The following FLRT2 variants were observed in gnomAD, a reference collection of about 807,000 sequenced individuals.
FLRT2 encodes the protein fibronectin leucine rich transmembrane protein 2.
A neutral mutation model predicts 40.0 loss-of-function variants in FLRT2; 15 were observed. That is an observed-to-expected ratio of 0.38 (90% confidence interval 0.25 to 0.58). FLRT2 has a LOEUF of 0.58. Among genes scored for constraint, FLRT2 ranks in the 20% least tolerant of loss-of-function variants. The pLI is 0.71. For missense variants in FLRT2, 726 were observed against 840.0 expected (o/e 0.86, Z 1.68); for synonymous variants, 380 against 336.8 (o/e 1.13, Z -1.41).
intron 1 of FLRT2, among the ~76,000 whole-genome samples, chr14:85,591,052 A>G (rs1279590981): frequency 6.6e-6 from 1 of 152,200 alleles, no homozygotes; most frequent in African/African-American, 2.4e-5. Context: ...AGCAAACACC[A>G]TCTTCTACTG....
intron 1 of FLRT2, among the ~76,000 whole-genome samples, chr14:85,547,056 A>G (rs778766263): frequency 1.3e-5 from 2 of 151,606 alleles, no homozygotes; most frequent in East Asian, 2.0e-4. Context: ...CTTCCCTTTC[A>G]TCTTTCCTTT....
In FLRT2 at chr14:85,623,256, G is replaced by A. The variant is rs750630398; in HGVS notation, c.1742G>A (p.Arg581Gln). Residue 581 changes from arginine (R) to glutamine (Q), a missense_variant, in exon 2 of 2, where the codon CGG becomes CAG. Physicochemically the swap from Arg to Gln is conservative, Grantham distance 43. This residue lies in a region of FLRT2 where 611 missense variants were observed against 690.0 expected (regional missense o/e 0.89). Coordinates refer to ENST00000330753, the MANE Select transcript of FLRT2 (RefSeq NM_013231.6). ...RYTSQKWKYNRGRRKDDYCEA... is the reference protein window; with the variant it reads ...RYTSQKWKYNQGRRKDDYCEA... ...ACCTCCCAGAAGTGGAAATACAACC[G>A]GGGCCGGCGGAAAGATGATTATTGC... is the stretch of plus-strand genomic sequence containing the variant. The A allele has an allele frequency of 4.6e-6, 7 of 1,515,784 alleles. No homozygotes were observed. Among genetic ancestry groups the A allele is most frequent in the Non-Finnish European group, 5.3e-6 (6 of 1,132,672 alleles). 93.9% of individuals were successfully genotyped at this position (1,515,784 alleles called of 1,614,324 possible).
Position 85,636,408 on chromosome 14 carries a change from A to AAAAAAAAAAATT in FLRT2, c.*12911_*12912insAAAAAAAAAATT, listed in dbSNP as rs1894004275. The AAAAAAAAAAATT allele has an allele frequency of 1.4e-5, 1 of 71,632 alleles. No individual in the cohort carries two copies. Among genetic ancestry groups the AAAAAAAAAAATT allele is most frequent in the Non-Finnish European group, 3.9e-5 (1 of 25,792 alleles). The allele number at this position is 71,632 out of a possible 1,614,324, so 4.4% of individuals were successfully genotyped here. The stretch of plus-strand genomic sequence containing the variant: ...ACCTGCAGAAAAAAAAAAAAAAAAA[A>AAAAAAAAAAATT]CAAAAAACATTCTTATTAATCTTAA... On this transcript the variant is annotated 3_prime_UTR_variant, in exon 2 of 2. Coordinates refer to ENST00000330753, the MANE Select transcript of FLRT2 (RefSeq NM_013231.6).
intron 1 of FLRT2, among the ~76,000 whole-genome samples, chr14:85,618,071 G>A (rs571819720): frequency 2.7e-4 from 41 of 152,330 alleles, no homozygotes; most frequent in Admixed American, 1.1e-3. Flanking sequence ...ACACAGTTCA[G>A]GAAATGGAAA....
chr14:85,573,025 TCA>T (rs1156839374), intron 1 of FLRT2, among the ~76,000 whole-genome samples: 1 of 152,180 alleles, frequency 6.6e-6, no homozygotes, highest in African/African-American at 2.4e-5. Flanking sequence ...CTCTGATTAG[TCA>T]CAGTTTTGTG....
rs944121234 is a variant in FLRT2 at position 85,649,872 on chromosome 14, A to G, written c.*26375A>G. The stretch of plus-strand genomic sequence containing the variant: ...AAAATACTTTCTCATATTCTGAAGA[A>G]TGAAGCATTTCTGTCCTAGGTGATT... On this transcript the variant is annotated 3_prime_UTR_variant, in exon 2 of 2. Transcript: ENST00000330753. 1.1e-4 allele frequency: 17 copies of G among 152,198 alleles called. No individual in the cohort carries two copies. The highest frequency in any genetic ancestry group is 4.1e-4 in the African/African-American group (17 of 41,552). The allele number at this position is 152,198 out of a possible 1,614,324, so 9.4% of individuals were successfully genotyped here.
chr14:85,551,079 T>C (rs756946676), intron 1 of FLRT2, among the ~76,000 whole-genome samples: 2 of 152,202 alleles, frequency 1.3e-5, no homozygotes, highest in Non-Finnish European at 2.9e-5. Context: ...TCATCATCCT[T>C]AAGTGACAGA....
chr14:85,557,828 A>AATT (rs58816579), intron 1 of FLRT2, among the ~76,000 whole-genome samples: 124 of 149,406 alleles, frequency 8.3e-4, no homozygotes, highest in African/African-American at 1.5e-3. Context: ...ATAAATAAAT[A>AATT]AATTAATTAA....
Position 85,641,928 on chromosome 14 carries a change from C to T in FLRT2, c.*18431C>T, listed in dbSNP as rs1375592866. ...AATGAAGAGCCTATTAAAGCCAAGG[C>T]TTTGGTGACCAATGTGATTGCTTCA... On this transcript the variant is annotated 3_prime_UTR_variant, in exon 2 of 2. Coordinates refer to ENST00000330753, the MANE Select transcript of FLRT2 (RefSeq NM_013231.6). 6.6e-6 allele frequency: 1 copy of T among 151,946 alleles called. No homozygotes were observed. The highest frequency in any genetic ancestry group is 2.4e-5 in the African/African-American group (1 of 41,380). The allele number at this position is 151,946 out of a possible 1,614,324, so 9.4% of individuals were successfully genotyped here.
chr14:85,588,515 T>C (rs1159151186), intron 1 of FLRT2, among the ~76,000 whole-genome samples: 1 of 152,004 alleles, frequency 6.6e-6, no homozygotes, highest in Non-Finnish European at 1.5e-5. Context: ...TATATATTTA[T>C]GAGGTACATA....
At chr14:85,617,299 G>A (rs79639748) in intron 1 of FLRT2, among the ~76,000 whole-genome samples, 5,650 of 152,162 alleles carry the variant, frequency 0.037, 361 homozygotes, top group African/African-American at 0.13. Context: ...AGAACAATCA[G>A]CATTATTATG....
chr14:85,542,265 A>G (rs1889024582), intron 1 of FLRT2, among the ~76,000 whole-genome samples: 1 of 152,186 alleles, frequency 6.6e-6, no homozygotes, highest in Non-Finnish European at 1.5e-5. Flanking sequence ...TGGTAAAAAT[A>G]CATGGTACTG....
At chr14:85,531,217 G>C (rs555154149) in intron 1 of FLRT2, 1 of 152,336 alleles carries the variant, frequency 6.6e-6, no homozygotes, top group African/African-American at 2.4e-5. Flanking sequence ...GCGGAATCCG[G>C]ATCGAGTGAG....
chr14:85,584,404 C>T (rs549379310), intron 1 of FLRT2, among the ~76,000 whole-genome samples: 5 of 152,272 alleles, frequency 3.3e-5, no homozygotes, highest in African/African-American at 7.2e-5. Context: ...AAGCTGTGAA[C>T]GGCCTTTCTT....
At chr14:85,571,018 G>A (rs1890868829) in intron 1 of FLRT2, among the ~76,000 whole-genome samples, 2 of 152,126 alleles carry the variant, frequency 1.3e-5, no homozygotes, top group South Asian at 2.1e-4. Context: ...ATGGTTTTCA[G>A]TAGTGTTGCA....
intron 1 of FLRT2, among the ~76,000 whole-genome samples, chr14:85,608,834 G>A (rs1258740839): frequency 6.6e-6 from 1 of 152,172 alleles, no homozygotes; most frequent in Non-Finnish European, 1.5e-5. Context: ...AGCGTCCTGA[G>A]CAAGAACATG....
At position 85,637,021 on chromosome 14, in the gene FLRT2, ATAATC is replaced by A. The variant is rs1459800219; in HGVS notation, c.*13528_*13532del. The A allele has an allele frequency of 2.0e-5, 3 of 152,088 alleles. No individual in the cohort carries two copies. The highest frequency in any genetic ancestry group is 4.4e-5 in the Non-Finnish European group (3 of 68,010). The allele number at this position is 152,088 out of a possible 1,614,324, so 9.4% of individuals were successfully genotyped here. ...ACAAAAAAACACATTTTACAAAACA[ATAATC>A]TAAGTGGGCAAGTAAATACTGGTGT... On this transcript the variant is annotated 3_prime_UTR_variant, in exon 2 of 2. Transcript: ENST00000330753.
At chr14:85,590,731 G>A (rs1016023343) in intron 1 of FLRT2, among the ~76,000 whole-genome samples, 1 of 152,154 alleles carries the variant, frequency 6.6e-6, no homozygotes, top group Admixed American at 6.5e-5. Flanking sequence ...CCCGATAGCT[G>A]GGACTACAGG....
chr14:85,641,694 T>C lies in FLRT2; in HGVS notation c.*18197T>C, dbSNP rs1254776410. On this transcript the variant is annotated 3_prime_UTR_variant, in exon 2 of 2. Coordinates refer to ENST00000330753, the MANE Select transcript of FLRT2 (RefSeq NM_013231.6). ...AATAAATGGAATAATTTCTGTTTCC[T>C]GCATTTTATCTTGTTGGATTAAGTA... 1.3e-5 allele frequency: 2 copies of C among 152,376 alleles called. No individual in the cohort carries two copies. Among genetic ancestry groups the C allele is most frequent in the South Asian group, 2.1e-4 (1 of 4,832 alleles). The allele number at this position is 152,376 out of a possible 1,614,324, so 9.4% of individuals were successfully genotyped here. A position where few individuals can be genotyped will look rare whatever the true frequency, so the allele number is the denominator to read the frequency against.
Sources: allele counts gnomAD v4.1 joint callset (sites outside exome capture counted in the v4.1 genomes callset), GRCh38; gene constraint gnomAD v4.1.1; regional missense constraint gnomAD v4.1.1; transcripts MANE v1.5; gene names NCBI Gene and HGNC (gene_info 2026-07-23, HGNC 2026-07-21).